ADAMTS6: variants seen among roughly 807,000 people sequenced by gnomAD.
The protein encoded by ADAMTS6 is ADAM metallopeptidase with thrombospondin type 1 motif 6, also known as A disintegrin and metalloproteinase with thrombospondin motifs 6.
In ADAMTS6, 23 loss-of-function variants were observed where a neutral mutation model predicts 144.3. The observed-to-expected ratio is 0.16, with a 90% CI of 0.11 to 0.23. The LOEUF (loss-of-function observed/expected upper bound fraction) is 0.23, where lower values mean the gene tolerates loss of function less well. Among genes scored for constraint, ADAMTS6 ranks in the 10% least tolerant of loss-of-function variants. ADAMTS6 has a pLI of 1.00. For missense variants in ADAMTS6, 999 were observed against 1,379.6 expected, an observed-to-expected ratio of 0.72 and a Z score of 4.37; for synonymous variants, 444 against 457.5, an observed-to-expected ratio of 0.97 and a Z score of 0.38.
chr5:65,452,596 T>A, intron 5 of ADAMTS6, 111 bp downstream of exon 5: 1 of 1,186,562 alleles, frequency 8.4e-7, no homozygotes, highest in Non-Finnish European at 1.2e-6. Flanking sequence ...TTTTTTACCA[T>A]TTTAGACAGG....
At chr5:65,375,465 C>T (rs1476839971) in intron 7 of ADAMTS6, among the ~76,000 whole-genome samples, 2 of 151,948 alleles carry the variant, frequency 1.3e-5, no homozygotes, top group Admixed American at 6.6e-5. Flanking sequence ...TGAACAGACA[C>T]TTCTCAAAAG....
intron 7 of ADAMTS6, among the ~76,000 whole-genome samples, chr5:65,375,039 G>C (rs903180855): frequency 6.6e-6 from 1 of 152,120 alleles, no homozygotes; most frequent in African/African-American, 2.4e-5. Flanking sequence ...AATGGTGCTG[G>C]GAAAACTGGC....
At chr5:65,395,753 C>T (rs898344866) in intron 7 of ADAMTS6, among the ~76,000 whole-genome samples, 1 of 152,144 alleles carries the variant, frequency 6.6e-6, no homozygotes, top group South Asian at 2.1e-4. Flanking sequence ...TACTGTAAAT[C>T]CCTGGTCCCA....
At chr5:65,266,784 G>T (rs926240775) in intron 12 of ADAMTS6, among the ~76,000 whole-genome samples, 2 of 151,882 alleles carry the variant, frequency 1.3e-5, no homozygotes, top group African/African-American at 4.8e-5. Flanking sequence ...AGAAGTGTTC[G>T]TGTTTTGTTT....
intron 7 of ADAMTS6, among the ~76,000 whole-genome samples, chr5:65,352,117 T>G (rs1748907323): frequency 6.6e-6 from 1 of 151,068 alleles, no homozygotes; most frequent in South Asian, 2.1e-4. Context: ...CTTGTCAAAG[T>G]ATCTAGCAGG....
chr5:65,260,661 G>A lies in ADAMTS6; in HGVS notation c.1769C>T (p.Pro590Leu), dbSNP rs1215695573. The A allele has an allele frequency of 1.9e-6, 3 of 1,612,702 alleles. No homozygotes were observed. The highest frequency in any genetic ancestry group is 2.2e-5 in the South Asian group (2 of 91,026). ...SSLRHCDSPA[P>L]SGGGKYCLGE... The stretch of plus-strand genomic sequence containing the variant: ...AAGGCAATATTTTCCACCTCCTGAA[G>A]GTCTGAAAAAACATTGTGTTTAAAA... Residue 590 changes from proline (P) to leucine (L), a missense_variant and splice_region_variant, in exon 14 of 25, where the codon CCT becomes CTT. Around this residue, in one of 3 missense-constraint regions of ADAMTS6, gnomAD observed 619 missense variants for 837.0 expected, o/e 0.74. Transcript: ENST00000381055.
intron 9 of ADAMTS6, 53 bp downstream of exon 9, chr5:65,329,325 T>C (rs1013873340): frequency 2.6e-6 from 4 of 1,529,270 alleles, no homozygotes; most frequent in Admixed American, 3.5e-5. Context: ...TAGTTACAAG[T>C]TGCTCAAGAG....
chr5:65,375,267 A>C (rs968871114), intron 7 of ADAMTS6, among the ~76,000 whole-genome samples: 5 of 152,168 alleles, frequency 3.3e-5, no homozygotes, highest in Admixed American at 6.5e-5. Flanking sequence ...AATGGGATCT[A>C]ATTAAACTAA....
intron 17 of ADAMTS6, 25 bp downstream of exon 17, chr5:65,224,899 G>A (rs369101358): frequency 5.6e-6 from 9 of 1,597,374 alleles, no homozygotes; most frequent in Non-Finnish European, 7.7e-6. Flanking sequence ...AGAGGTGTGA[G>A]GAAGAGTTCT....
At chr5:65,461,731 C>T (rs1759655853) in intron 3 of ADAMTS6, among the ~76,000 whole-genome samples, 1 of 152,162 alleles carries the variant, frequency 6.6e-6, no homozygotes. Flanking sequence ...ACCTACATGG[C>T]TTGGATTCCT....
chr5:65,176,548 AG>A (rs1753993690), intron 22 of ADAMTS6, among the ~76,000 whole-genome samples: 1 of 152,202 alleles, frequency 6.6e-6, no homozygotes, highest in African/African-American at 2.4e-5. Flanking sequence ...CTAAAGTTAA[AG>A]GGGTATCATC....
chr5:65,478,423 G>A (rs1249228873), intron 1 of ADAMTS6, among the ~76,000 whole-genome samples: 1 of 152,176 alleles, frequency 6.6e-6, no homozygotes, highest in Non-Finnish European at 1.5e-5. Flanking sequence ...CAAAGGCTTT[G>A]AGTCCTGGCC....
At chr5:65,336,059 T>G (rs1418785917) in intron 7 of ADAMTS6, among the ~76,000 whole-genome samples, 1 of 152,082 alleles carries the variant, frequency 6.6e-6, no homozygotes, top group Non-Finnish European at 1.5e-5. Flanking sequence ...GGCTGAAACA[T>G]TGAATGCTAA....
At chr5:65,166,473 C>T (rs1466256086) in intron 24 of ADAMTS6, among the ~76,000 whole-genome samples, 13 of 80,206 alleles carry the variant, frequency 1.6e-4, no homozygotes, top group East Asian at 3.5e-4. Context: ...GACAGATCAA[C>T]GAGACAGAAA....
At position 65,323,650 on chromosome 5, in the gene ADAMTS6, G is replaced by A. The variant is rs1172499273; in HGVS notation, c.1223+5728C>T. On this transcript the variant is annotated intron_variant, in intron 9 of 24. Transcript: ENST00000381055. ...ATATACCCAGTAATGGGATGGCTGG[G>A]TCAAATGGTATTTCTAGTTCTAGAT... Among the ~76,000 whole-genome samples the A allele has an allele frequency of 3.3e-5, 5 of 152,128 alleles. No individual in the cohort carries two copies. In the East Asian group the frequency reaches 9.6e-4, roughly 29 times the overall value.
chr5:65,288,412 C>T (rs773667975), intron 11 of ADAMTS6, among the ~76,000 whole-genome samples: 4 of 151,472 alleles, frequency 2.6e-5, no homozygotes, highest in Non-Finnish European at 4.4e-5. Context: ...CTCCGCTTCC[C>T]GGGTTCAAGT....
At position 65,377,497 on chromosome 5, in the gene ADAMTS6, G is replaced by A. The variant is rs187848967; in HGVS notation, c.1074-43412C>T. The stretch of plus-strand genomic sequence containing the variant: ...CCAATGAGCTATCCCTGCACAATCC[G>A]GAGAGATGATTTAGCCCCTTTTAAA... On this transcript the variant is annotated intron_variant, in intron 7 of 24. Coordinates refer to ENST00000381055, the MANE Select transcript of ADAMTS6 (RefSeq NM_197941.4). Among the ~76,000 whole-genome samples, 6 of 152,236 alleles carry A rather than the reference G, an allele frequency of 3.9e-5. No homozygotes were observed. In the East Asian group the frequency reaches 1.2e-3, roughly 29 times the overall value.
chr5:65,183,566 C>T (rs897957461), intron 22 of ADAMTS6, among the ~76,000 whole-genome samples: 18 of 151,908 alleles, frequency 1.2e-4, no homozygotes, highest in Non-Finnish European at 2.2e-4. Flanking sequence ...TGGAACATGT[C>T]CCCTGTGGAT....
intron 7 of ADAMTS6, among the ~76,000 whole-genome samples, chr5:65,379,624 T>A (rs191043489): frequency 1.4e-3 from 220 of 152,258 alleles, no homozygotes; most frequent in African/African-American, 5.1e-3. Context: ...TTGGTAGCAC[T>A]TTCATTTCCT....
Sources: gnomAD v4.1 joint callset for allele counts (sites outside exome capture counted in the v4.1 genomes callset) on GRCh38, gnomAD v4.1.1 for gene constraint, gnomAD v4.1.1 regional missense constraint, MANE v1.5 for transcripts, NCBI Gene and HGNC (gene_info 2026-07-23, HGNC 2026-07-21) for gene names.